Variants in ARSK observed in about 807,000 individuals in gnomAD.
ARSK encodes arylsulfatase K.
Under a neutral mutation model 53.2 loss-of-function variants are expected in ARSK, and 37 were observed. That is an observed-to-expected ratio of 0.70 (90% CI 0.54 to 0.92). The LOEUF is 0.92. ARSK is among the 40% of genes least tolerant of loss of function. The pLI is 0.00. For missense variants in ARSK, 613 were observed against 643.0 expected (o/e 0.95, Z 0.51); for synonymous variants, 208 against 223.2 (o/e 0.93, Z 0.61).
intron 5 of ARSK, among the ~76,000 whole-genome samples, chr5:95,588,596 A>AT (rs1238977569): frequency 6.6e-6 from 1 of 152,180 alleles, no homozygotes; most frequent in Non-Finnish European, 1.5e-5. Context: ...GTTAACAAAC[A>AT]TTAAGTACCT....
chr5:95,571,837 A>G (rs1748836703), intron 3 of ARSK, among the ~76,000 whole-genome samples: 1 of 152,234 alleles, frequency 6.6e-6, no homozygotes, highest in South Asian at 2.1e-4. Context: ...TGAAGGTTAT[A>G]TGAATTATAT....
rs1364046883 is a variant in ARSK, at chr5:95,555,407, A to C, written c.126+3A>C. 2 of 1,598,108 alleles carry C rather than the reference A, an allele frequency of 1.3e-6. No individual in the cohort carries two copies. Among genetic ancestry groups the C allele is most frequent in the African/African-American group, 2.7e-5 (2 of 74,238 alleles). ...TGCTGGTCGTGAGCGACTCCTTCGT[A>C]AGTACCGCGAGGCAGGGGAGGGGCG... is the stretch of plus-strand genomic sequence containing the variant. On this transcript the variant is annotated splice_donor_region_variant and intron_variant, in intron 1 of 7. Transcript: ENST00000380009. The surrounding 1 kb of genome is among the most constrained non-coding windows in gnomAD (Gnocchi z 4.0).
At chr5:95,568,083 G>A (rs756770326) in intron 3 of ARSK, 34 bp downstream of exon 3, 1 of 1,603,702 alleles carries the variant, frequency 6.2e-7, no homozygotes, top group Non-Finnish European at 8.5e-7. Context: ...ATCATGGACT[G>A]CCCTCTGCCA....
chr5:95,556,920 G>C (rs1748532075), intron 1 of ARSK: 1 of 151,928 alleles, frequency 6.6e-6, no homozygotes, highest in Non-Finnish European at 1.5e-5. Flanking sequence ...TGAAGCAGGA[G>C]AATGGCGTGA....
chr5:95,584,809 G>C (rs539585915), intron 4 of ARSK, among the ~76,000 whole-genome samples: 3 of 152,236 alleles, frequency 2.0e-5, no homozygotes, highest in Middle Eastern at 3.4e-3. Context: ...TCAGGAGTTC[G>C]AGACCAGCCA....
At chr5:95,587,317 A>T (rs934401611) in intron 5 of ARSK, among the ~76,000 whole-genome samples, 2 of 152,236 alleles carry the variant, frequency 1.3e-5, no homozygotes, top group African/African-American at 4.8e-5. Context: ...CTGTTCACTT[A>T]TAGAGCTATG....
At chr5:95,574,355 G>A (rs1748886604) in intron 3 of ARSK, among the ~76,000 whole-genome samples, 1 of 152,102 alleles carries the variant, frequency 6.6e-6, no homozygotes, top group South Asian at 2.1e-4. Flanking sequence ...TTTCTTTTGG[G>A]TGTATACCTA....
chr5:95,569,864 A>G (rs913228998), intron 3 of ARSK, among the ~76,000 whole-genome samples: 21 of 152,238 alleles, frequency 1.4e-4, no homozygotes, highest in Middle Eastern at 3.2e-3. Context: ...TCTGTCCTCC[A>G]AAATCTAAAA....
chr5:95,594,825 G>C (rs534970161), intron 6 of ARSK, among the ~76,000 whole-genome samples: 1 of 145,712 alleles, frequency 6.9e-6, no homozygotes, highest in African/African-American at 2.5e-5. Flanking sequence ...GGGTGACAGA[G>C]CGAGACTACG....
At position 95,579,966 on chromosome 5, in the gene ARSK, A is replaced by G. The variant is rs185885331; in HGVS notation, c.417-2950A>G. On this transcript the variant is annotated intron_variant, in intron 3 of 7. Coordinates refer to ENST00000380009, the MANE Select transcript of ARSK (RefSeq NM_198150.3). ...GTAATAACGTCTTACTGTTATTACG[A>G]CAATAGTTTTGACCTCATGGGCTCA... is the stretch of plus-strand genomic sequence containing the variant. 3.8e-3 allele frequency among the ~76,000 whole-genome samples: 581 copies of G among 152,328 alleles called. 4 individuals carry two copies. The highest frequency in any genetic ancestry group is 6.4e-3 in the South Asian group (31 of 4,830).
rs574051486 is a variant in ARSK at position 95,580,828 on chromosome 5, C to G, written c.417-2088C>G. The G allele has an allele frequency of 6.3e-5, 58 of 917,674 alleles. No homozygotes were observed. The Admixed American group carries it at 1.4e-3, about 22-fold the overall frequency. 56.8% of individuals were successfully genotyped at this position (917,674 alleles called of 1,614,324 possible). ...TAGTATATTCATCTACTGAATACAT[C>G]ACTTTATACTCATGTTCTTCCTCAC... On this transcript the variant is annotated intron_variant, in intron 3 of 7. Transcript: ENST00000380009.
In ARSK at chr5:95,583,003, T is replaced by C. The variant is rs1561365688; in HGVS notation, c.504T>C (p.Thr168=). 3.7e-6 allele frequency: 6 copies of C among 1,613,740 alleles called. No individual in the cohort carries two copies. The highest frequency in any genetic ancestry group is 5.1e-6 in the Non-Finnish European group (6 of 1,179,782). ...RPMVNLIRNR[T]KVRVMERDWQ... ...TGGTTAATCTTATCCGTAACAGGAC[T>C]AAAGTCAGAGTGATGGAAAGGGATT... Residue 168 remains threonine (T), a synonymous_variant, in exon 4 of 8, where the codon ACT becomes ACC. Coordinates refer to ENST00000380009, the MANE Select transcript of ARSK (RefSeq NM_198150.3).
intron 6 of ARSK, among the ~76,000 whole-genome samples, chr5:95,594,029 T>C (rs369332179): frequency 6.6e-6 from 1 of 152,170 alleles, no homozygotes; most frequent in African/African-American, 2.4e-5. Flanking sequence ...AACTGAAAAA[T>C]TAACATCTTC....
At chr5:95,591,276 G>A (rs939134167) in intron 5 of ARSK, 125 bp from the exon 6 acceptor site, 2 of 786,310 alleles carry the variant, frequency 2.5e-6, no homozygotes, top group African/African-American at 3.5e-5. Context: ...AGAACAGTAG[G>A]TAATATTCAG....
At chr5:95,574,461 CA>C (rs1361785140) in intron 3 of ARSK, among the ~76,000 whole-genome samples, 1 of 152,114 alleles carries the variant, frequency 6.6e-6, no homozygotes, top group East Asian at 1.9e-4. Flanking sequence ...ACATTCCCAC[CA>C]ACAGTGTCTG....
At chr5:95,560,839 C>T (rs1748619576) in intron 1 of ARSK, among the ~76,000 whole-genome samples, 1 of 135,802 alleles carries the variant, frequency 7.4e-6, no homozygotes. Context: ...GAGTCTCGCT[C>T]TGTCACCCAG....
chr5:95,571,143 C>T (rs1304159764), intron 3 of ARSK, among the ~76,000 whole-genome samples: 1 of 152,182 alleles, frequency 6.6e-6, no homozygotes, highest in East Asian at 1.9e-4. Flanking sequence ...TCACAAATTT[C>T]TCTTTAAAAT....
intron 4 of ARSK, among the ~76,000 whole-genome samples, chr5:95,586,142 A>C (rs1169024504): frequency 6.6e-6 from 1 of 152,188 alleles, no homozygotes; most frequent in Non-Finnish European, 1.5e-5. Context: ...GTGCTTGGCT[A>C]TCTCACTAGA....
chr5:95,583,621 T>C (rs1174440717), intron 4 of ARSK, among the ~76,000 whole-genome samples: 1 of 151,974 alleles, frequency 6.6e-6, no homozygotes, highest in Non-Finnish European at 1.5e-5. Flanking sequence ...TTGTTAAAAA[T>C]TGAAAAAGAA....
Sources: gnomAD v4.1 joint callset for allele counts (sites outside exome capture counted in the v4.1 genomes callset) on GRCh38, gnomAD v4.1.1 for gene constraint, Gnocchi (gnomAD v3.1) non-coding constraint, MANE v1.5 for transcripts, NCBI Gene and HGNC (gene_info 2026-07-23, HGNC 2026-07-21) for gene names.